Variants in ADORA2B observed in about 807,000 individuals in gnomAD.
ADORA2B encodes adenosine A2b receptor.
ADORA2B carries 18 observed loss-of-function variants against 20.8 expected under a neutral mutation model. The ratio of observed to expected loss-of-function variants is 0.87; its 90% CI spans 0.60 to 1.29. The LOEUF (loss-of-function observed/expected upper bound fraction) is 1.29, where lower values mean the gene tolerates loss of function less well. Among genes scored for constraint, ADORA2B ranks in the 50% most tolerant of loss-of-function variants. ADORA2B has a pLI of 0.00. For synonymous variants in ADORA2B, 179 were observed against 178.3 expected (o/e 1.00, Z -0.03); for missense variants, 441 against 422.7 (o/e 1.04, Z -0.38).
chr17:15,864,376 C>A, the ADORA2B span, among the ~76,000 whole-genome samples: 2 of 152,120 alleles, frequency 1.3e-5, no homozygotes, highest in Non-Finnish European at 2.9e-5. Flanking sequence ...GAAGGGGGAC[C>A]TTTTCCTTTG....
chr17:15,882,941 TTGC>T, the ADORA2B span, among the ~76,000 whole-genome samples: 2 of 152,302 alleles, frequency 1.3e-5, no homozygotes, highest in South Asian at 4.1e-4. Context: ...GCCTTGATAT[TTGC>T]TGCTGTTCCC....
chr17:15,881,277 A>G, the ADORA2B span, among the ~76,000 whole-genome samples: 1 of 151,670 alleles, frequency 6.6e-6, no homozygotes. Context: ...AATTTTTCAT[A>G]TTTTTAGTAG....
the ADORA2B span, among the ~76,000 whole-genome samples, chr17:15,893,882 T>A: frequency 3.9e-5 from 6 of 152,170 alleles, no homozygotes; most frequent in African/African-American, 1.2e-4. Flanking sequence ...CGTAATAGGA[T>A]CAGGGGTCAG....
At chr17:15,869,932 A>T in the ADORA2B span, among the ~76,000 whole-genome samples, 4 of 152,236 alleles carry the variant, frequency 2.6e-5, no homozygotes, top group African/African-American at 9.6e-5. Flanking sequence ...AAAAGTGATC[A>T]TTTTATATCA....
At chr17:15,898,290 TTTTTA>T in the ADORA2B span, among the ~76,000 whole-genome samples, 1 of 152,050 alleles carries the variant, frequency 6.6e-6, no homozygotes, top group Non-Finnish European at 1.5e-5. Flanking sequence ...TTATTTTTTA[TTTTTA>T]TTTATTTATT....
the ADORA2B span, among the ~76,000 whole-genome samples, chr17:15,878,279 C>T: frequency 6.6e-6 from 1 of 151,642 alleles, no homozygotes; most frequent in Non-Finnish European, 1.5e-5. Flanking sequence ...CTTATTTCAT[C>T]ATCTCTCTTG....
At chr17:15,922,822 A>G in the ADORA2B span, among the ~76,000 whole-genome samples, 7 of 152,120 alleles carry the variant, frequency 4.6e-5, no homozygotes, top group African/African-American at 7.2e-5. Context: ...TGTCTCTTTA[A>G]CCACAGCTTG....
the ADORA2B span, among the ~76,000 whole-genome samples, chr17:15,898,159 C>G: frequency 3.9e-5 from 6 of 152,180 alleles, no homozygotes; most frequent in African/African-American, 1.4e-4. Flanking sequence ...CTTTCAGAAA[C>G]AACAAAACTA....
the ADORA2B span, among the ~76,000 whole-genome samples, chr17:15,933,476 A>T: frequency 6.6e-6 from 1 of 152,086 alleles, no homozygotes; most frequent in East Asian, 1.9e-4. Context: ...AATTTATTTC[A>T]ATTATGTTTT....
At chr17:15,878,559 T>C in the ADORA2B span, among the ~76,000 whole-genome samples, 87 of 152,382 alleles carry the variant, frequency 5.7e-4, no homozygotes, top group African/African-American at 2.0e-3. Flanking sequence ...GATAAATTAC[T>C]ACAAATAATT....
chr17:15,908,378 T>C, the ADORA2B span, among the ~76,000 whole-genome samples: 1 of 152,230 alleles, frequency 6.6e-6, no homozygotes, highest in Admixed American at 6.5e-5. Flanking sequence ...GTCTTTTCTT[T>C]TAACTCATCA....
At chr17:15,930,148 G>A in the ADORA2B span, among the ~76,000 whole-genome samples, 1,995 of 152,262 alleles carry the variant, frequency 0.013, 45 homozygotes, top group African/African-American at 0.045. Context: ...AGGAAGAATC[G>A]GGGCTGTGGT....
intron 1 of ADORA2B, among the ~76,000 whole-genome samples, chr17:15,949,600 G>A (rs546115053): frequency 2.6e-5 from 4 of 151,932 alleles, no homozygotes; most frequent in African/African-American, 9.7e-5. Flanking sequence ...GGCTGGATAC[G>A]GTGGCTCACA....
chr17:15,933,657 C>A, the ADORA2B span, among the ~76,000 whole-genome samples: 2 of 152,084 alleles, frequency 1.3e-5, no homozygotes. Flanking sequence ...ATCTTGTATT[C>A]TGCAACCCTG....
In ADORA2B at chr17:15,968,924, G is replaced by A. The variant is rs114869909; in HGVS notation, c.336-5755G>A. Among the ~76,000 whole-genome samples the A allele has an allele frequency of 2.3e-3, 344 of 152,224 alleles. 1 individual carries two copies. Among genetic ancestry groups the A allele is most frequent in the Middle Eastern group, 0.014 (4 of 294 alleles). On this transcript the variant is annotated intron_variant, in intron 1 of 1. Transcript: ENST00000304222. ...TGCAGGCATCTGTCACCAAAACTTG[G>A]GGTTTGGTTGTGCGGTTCCTCCCCT... is the stretch of plus-strand genomic sequence containing the variant.
the ADORA2B span, among the ~76,000 whole-genome samples, chr17:15,933,386 C>T: frequency 0.95 from 145,182 of 152,288 alleles, 69,434 homozygotes; most frequent in Non-Finnish European, 0.99. Context: ...ATTTCGGTAG[C>T]ATTGCCATCT....
the ADORA2B span, among the ~76,000 whole-genome samples, chr17:15,935,557 G>C: frequency 2.6e-3 from 392 of 151,004 alleles, 4 homozygotes; most frequent in African/African-American, 9.1e-3. Flanking sequence ...TCCACTTAGA[G>C]TTCACTGAGT....
chr17:15,867,782 G>A, the ADORA2B span, among the ~76,000 whole-genome samples: 5 of 147,550 alleles, frequency 3.4e-5, no homozygotes, highest in African/African-American at 5.0e-5. Flanking sequence ...CAGCCGCCCC[G>A]TCCGGGAGGT....
the ADORA2B span, among the ~76,000 whole-genome samples, chr17:15,858,488 A>G: frequency 1.9e-3 from 283 of 152,316 alleles, 2 homozygotes; most frequent in African/African-American, 6.5e-3. Context: ...TGGGAAGGAG[A>G]ACTGGGGTGC....
Sources: gnomAD v4.1 joint callset for allele counts (sites outside exome capture counted in the v4.1 genomes callset) on GRCh38, gnomAD v4.1.1 for gene constraint, MANE v1.5 for transcripts, NCBI Gene and HGNC (gene_info 2026-07-23, HGNC 2026-07-21) for gene names.